The following LIPI variants were observed in gnomAD, a reference collection of about 807,000 sequenced individuals.
The protein encoded by LIPI is lipase member I.
Under a neutral mutation model 50.6 loss-of-function variants are expected in LIPI, and 59 were observed. That is an observed-to-expected ratio of 1.16 (90% CI 0.94 to 1.45). The LOEUF is 1.45. LIPI is among the 40% of genes most tolerant of loss of function. The probability of loss-of-function intolerance (pLI) is 0.00; values close to 1 mark genes in which losing one functional copy is unlikely to be tolerated. For missense variants in LIPI, 586 were observed against 536.3 expected (o/e 1.09, Z -0.92); for synonymous variants, 203 against 178.2 (o/e 1.14, Z -1.11).
chr21:14,130,198 G>A (rs2017235276), intron 9 of LIPI, among the ~76,000 whole-genome samples: 2 of 152,162 alleles, frequency 1.3e-5, no homozygotes, highest in South Asian at 4.1e-4. Flanking sequence ...AAGATAGCCA[G>A]GTGTGGGGGT....
chr21:14,167,000 C>T (rs575295855), intron 4 of LIPI, among the ~76,000 whole-genome samples: 7 of 152,336 alleles, frequency 4.6e-5, no homozygotes, highest in Non-Finnish European at 7.3e-5. Context: ...AATCGGGTCA[C>T]TCCCACCCTA....
At position 14,152,948 on chromosome 21, in the gene LIPI, A is replaced by G. The variant is rs77477039; in HGVS notation, c.1007-264T>C. On this transcript the variant is annotated intron_variant, in intron 7 of 9. Coordinates refer to ENST00000681601, the MANE Select transcript of LIPI (RefSeq NM_001302998.2). ...ATGGGTATGGTGAAGTATTGAACAA[A>G]TAGATCCTAAATACTGGCTTGTCTG... 8.5e-5 allele frequency among the ~76,000 whole-genome samples: 13 copies of G among 152,286 alleles called. No individual in the cohort carries two copies. The East Asian group carries it at 2.3e-3, about 27-fold the overall frequency.
At position 14,189,223 on chromosome 21, in the gene LIPI, G is replaced by A. The variant is rs147697169; in HGVS notation, c.243C>T (p.His81=). 17 of 1,613,678 alleles carry A rather than the reference G, an allele frequency of 1.1e-5. No individual in the cohort carries two copies. Among genetic ancestry groups the A allele is most frequent in the African/African-American group, 2.7e-5 (2 of 75,028 alleles). The change falls in exon 2 of 10, where the codon CAC becomes CAT. Residue 81 remains histidine, a synonymous_variant. Transcript: ENST00000681601. ...NTQKKTVWLI[H]GYRPVGSIPL... ...GGATGGAGCCTACTGGTCTGTATCC[G>A]TGAATAAGCCAGACTGTTTTCTTTT...
At chr21:14,115,898 G>A (rs969697529) in intron 9 of LIPI, among the ~76,000 whole-genome samples, 22 of 152,088 alleles carry the variant, frequency 1.4e-4, no homozygotes, top group East Asian at 1.2e-3. Context: ...GATGAACCTC[G>A]TGTCCCCACT....
intron 7 of LIPI, among the ~76,000 whole-genome samples, chr21:14,155,405 G>A (rs1290197752): frequency 2.6e-5 from 4 of 151,938 alleles, no homozygotes; most frequent in Non-Finnish European, 5.9e-5. Flanking sequence ...AGAGTGTGGG[G>A]CTGTGACATG....
Position 14,200,798 on chromosome 21 carries a change from A to C in LIPI, c.46+10002T>G, listed in dbSNP as rs189584531. On this transcript the variant is annotated intron_variant, in intron 1 of 9. Coordinates refer to ENST00000681601, the MANE Select transcript of LIPI (RefSeq NM_001302998.2). Reference sequence around the variant, plus strand: ...TTCACATGGAACCAAAAAAGGGCCCAAATAGCCAAGGCAATCCTAAGCACA... The same window carrying C: ...TTCACATGGAACCAAAAAAGGGCCCCAATAGCCAAGGCAATCCTAAGCACA... 2.4e-4 allele frequency among the ~76,000 whole-genome samples: 37 copies of C among 152,178 alleles called. No homozygotes were observed. In the East Asian group the frequency reaches 7.1e-3, roughly 29 times the overall value.
intron 4 of LIPI, among the ~76,000 whole-genome samples, chr21:14,177,095 A>G (rs953559686): frequency 1.3e-5 from 2 of 152,072 alleles, no homozygotes; most frequent in Non-Finnish European, 2.9e-5. Context: ...CTTTTTTTGC[A>G]ATGTGTTATT....
At chr21:14,187,988 T>G (rs2019515107) in intron 2 of LIPI, among the ~76,000 whole-genome samples, 1 of 152,132 alleles carries the variant, frequency 6.6e-6, no homozygotes, top group Non-Finnish European at 1.5e-5. Context: ...CTTGGAAGTG[T>G]TGTTATTTGT....
chr21:14,166,577 T>C, intron 4 of LIPI, 126 bp from the exon 5 acceptor site: 1 of 669,250 alleles, frequency 1.5e-6, no homozygotes, highest in African/African-American at 1.8e-5. Context: ...AAATAAGTGC[T>C]GTTTTTATAA....
intron 1 of LIPI, among the ~76,000 whole-genome samples, chr21:14,206,277 T>C (rs2020222701): frequency 6.6e-6 from 1 of 151,804 alleles, no homozygotes; most frequent in Admixed American, 6.6e-5. Context: ...CAAGTTATTT[T>C]ACCTCTCATC....
At chr21:14,186,907 G>T (rs1223337968) in intron 2 of LIPI, among the ~76,000 whole-genome samples, 2 of 152,124 alleles carry the variant, frequency 1.3e-5, no homozygotes, top group Non-Finnish European at 2.9e-5. Context: ...GAAACTATGA[G>T]AAATAAATGT....
At chr21:14,112,100 T>C (rs374507143) in intron 9 of LIPI, among the ~76,000 whole-genome samples, 3 of 152,234 alleles carry the variant, frequency 2.0e-5, no homozygotes, top group East Asian at 3.9e-4. Context: ...CTGTCCTTTC[T>C]CCATTGTGTG....
chr21:14,115,551 G>A (rs148532356), intron 9 of LIPI, among the ~76,000 whole-genome samples: 163 of 152,182 alleles, frequency 1.1e-3, no homozygotes, highest in African/African-American at 3.6e-3. Flanking sequence ...GGCTCATCTG[G>A]GATTGGAGAT....
rs2017836622 is a variant in LIPI at position 14,144,659 on chromosome 21, T to C, written c.1259A>G (p.Gln420Arg). 4 of 1,580,466 alleles carry C rather than the reference T, an allele frequency of 2.5e-6. 1 individual carries two copies. Among genetic ancestry groups the C allele is most frequent in the Non-Finnish European group, 1.7e-6 (2 of 1,150,752 alleles). Residue 420 changes from glutamine (Q) to arginine (R), a missense_variant, in exon 9 of 10, where the codon CAG becomes CGG. By Grantham distance (43) the Gln-to-Arg change is conservative (BLOSUM62 1). Transcript: ENST00000681601. The part of the protein sequence containing the change: ...LQCSTCTYKI[Q>R]SLMLKSLTYP... ...TGTAAGTGATTTTAACATGAGACTC[T>C]GGATCTTGTATGTGCATGTGGAACA...
At chr21:14,163,615 T>C (rs2018572626) in intron 6 of LIPI, 92 bp from the exon 7 acceptor site, 3 of 726,050 alleles carry the variant, frequency 4.1e-6, no homozygotes, top group Non-Finnish European at 5.1e-6. Flanking sequence ...TCAGTGCATA[T>C]AATCATCATA....
At chr21:14,163,813 A>C (rs2018580374) in intron 6 of LIPI, among the ~76,000 whole-genome samples, 2 of 151,946 alleles carry the variant, frequency 1.3e-5, no homozygotes, top group African/African-American at 4.8e-5. Flanking sequence ...TTTTACTGTT[A>C]TAAATTCAGG....
At chr21:14,203,867 A>AAAGAAAG (rs1298717347) in intron 1 of LIPI, among the ~76,000 whole-genome samples, 1 of 151,816 alleles carries the variant, frequency 6.6e-6, no homozygotes, top group Non-Finnish European at 1.5e-5. Flanking sequence ...AGAAAGAAAG[A>AAAGAAAG]AAATGTGGTA....
intron 8 of LIPI, among the ~76,000 whole-genome samples, chr21:14,152,159 G>A (rs183868238): frequency 1.8e-3 from 266 of 151,704 alleles, no homozygotes; most frequent in African/African-American, 5.2e-3. Context: ...GGAGGGCAGC[G>A]GTGCAATCTC....
At chr21:14,116,298 T>C (rs912382778) in intron 9 of LIPI, among the ~76,000 whole-genome samples, 7 of 151,404 alleles carry the variant, frequency 4.6e-5, no homozygotes, top group African/African-American at 1.2e-4. Flanking sequence ...CCGAGGCGAG[T>C]GTGGGATGAG....
Sources: allele counts gnomAD v4.1 joint callset (sites outside exome capture counted in the v4.1 genomes callset), GRCh38; gene constraint gnomAD v4.1.1; transcripts MANE v1.5; gene names NCBI Gene and HGNC (gene_info 2026-07-23, HGNC 2026-07-21).